Variants in NFIC observed in about 807,000 individuals in gnomAD.
NFIC encodes nuclear factor I C.
NFIC carries 12 observed loss-of-function variants against 54.4 expected under a neutral mutation model. The ratio of observed to expected loss-of-function variants is 0.22; its 90% CI spans 0.14 to 0.36. The LOEUF is 0.36. Among genes scored for constraint, NFIC ranks in the 10% least tolerant of loss-of-function variants. NFIC has a pLI of 1.00. For synonymous variants in NFIC, 322 were observed against 319.2 expected (o/e 1.01, Z -0.09); for missense variants, 575 against 718.2 (o/e 0.80, Z 2.28).
chr19:3,438,958 A>T (rs566147752), intron 6 of NFIC, among the ~76,000 whole-genome samples: 1 of 152,188 alleles, frequency 6.6e-6, no homozygotes, highest in Admixed American at 6.5e-5. Flanking sequence ...ACTTGGAAGA[A>T]AAGGGAGGAC....
intron 1 of NFIC, among the ~76,000 whole-genome samples, chr19:3,360,055 C>T (rs1012279360): frequency 6.7e-6 from 1 of 148,230 alleles, no homozygotes; most frequent in South Asian, 2.1e-4. Flanking sequence ...GGGCGCACGA[C>T]CCCCGAGCGC....
At chr19:3,386,061 C>T (rs1244897711) in intron 2 of NFIC, among the ~76,000 whole-genome samples, 1 of 151,726 alleles carries the variant, frequency 6.6e-6, no homozygotes, top group Non-Finnish European at 1.5e-5. Context: ...CTTATGCATT[C>T]CCTGGACATA....
At chr19:3,374,734 C>T (rs1471290749) in intron 1 of NFIC, among the ~76,000 whole-genome samples, 5 of 152,096 alleles carry the variant, frequency 3.3e-5, no homozygotes, top group South Asian at 2.1e-4. Flanking sequence ...TCTCTTTTGC[C>T]GGTTGGGCCT....
At chr19:3,445,906 C>T (rs1484526262) in intron 6 of NFIC, among the ~76,000 whole-genome samples, 1 of 152,118 alleles carries the variant, frequency 6.6e-6, no homozygotes, top group Non-Finnish European at 1.5e-5. Flanking sequence ...GGGCATCACC[C>T]GGGGACAGCA....
At position 3,384,793 on chromosome 19, in the gene NFIC, G is replaced by A. The variant is rs2081266579; in HGVS notation, c.562+2550G>A. Among the ~76,000 whole-genome samples the A allele has an allele frequency of 2.6e-5, 4 of 151,984 alleles. No individual in the cohort carries two copies. In the South Asian group the frequency reaches 8.3e-4, roughly 32 times the overall value. On this transcript the variant is annotated intron_variant, in intron 2 of 10. Coordinates refer to ENST00000443272, the MANE Select transcript of NFIC (RefSeq NM_001245002.2). ...ACCTGCTGGGGTTGGCTGTGAGGGGGCACTGGGGACGGTGGGGGCAGAGAG... is the reference window on the plus strand; with the variant it reads ...ACCTGCTGGGGTTGGCTGTGAGGGGACACTGGGGACGGTGGGGGCAGAGAG...
intron 1 of NFIC, among the ~76,000 whole-genome samples, chr19:3,361,202 C>T (rs1282470705): frequency 2.0e-5 from 3 of 152,186 alleles, no homozygotes; most frequent in East Asian, 1.9e-4. Context: ...AGACGTCGCT[C>T]GCCAGGGGTT....
chr19:3,430,760 C>G (rs1364186888), intron 3 of NFIC, among the ~76,000 whole-genome samples: 1 of 151,898 alleles, frequency 6.6e-6, no homozygotes, highest in South Asian at 2.1e-4. Context: ...GGTGAAACCC[C>G]GTCTCTATTA....
chr19:3,386,292 G>A (rs1191611567), intron 2 of NFIC, among the ~76,000 whole-genome samples: 1 of 149,378 alleles, frequency 6.7e-6, no homozygotes, highest in East Asian at 2.0e-4. Context: ...TGCCCTGTGA[G>A]GCAAGGATCA....
At chr19:3,417,275 TCAAAGCAGAACAACAG>T (rs1407128683) in intron 2 of NFIC, among the ~76,000 whole-genome samples, 1 of 152,118 alleles carries the variant, frequency 6.6e-6, no homozygotes, top group Non-Finnish European at 1.5e-5. Flanking sequence ...GACCCCCATC[TCAAAGCAGAACAACAG>T]CAGAACTTCT....
In NFIC at chr19:3,465,351, GAAATAAA is replaced by G. The variant is rs994786143; in HGVS notation, c.*2592_*2598del. 3 of 86,248 alleles carry G rather than the reference GAAATAAA, an allele frequency of 3.5e-5. No homozygotes were observed. Among genetic ancestry groups the G allele is most frequent in the African/African-American group, 1.3e-4 (3 of 22,460 alleles). The allele number at this position is 86,248 out of a possible 1,614,324, so 5.3% of individuals were successfully genotyped here. A position where few individuals can be genotyped will look rare whatever the true frequency, so the allele number is the denominator to read the frequency against. Reference sequence around the variant, plus strand: ...AAAAAAAAAGACAAAACAGTGACATGAAATAAAAAATAAAAATTGAAAAGGGATGTAT... The same window carrying G: ...AAAAAAAAAGACAAAACAGTGACATGAAATAAAAATTGAAAAGGGATGTAT... On this transcript the variant is annotated 3_prime_UTR_variant, in exon 11 of 11. Transcript: ENST00000443272.
chr19:3,364,159 GA>G (rs5826816), upstream of NFIC, among the ~76,000 whole-genome samples: 7,867 of 141,860 alleles, frequency 0.055, 704 homozygotes, highest in African/African-American at 0.19. Context: ...AGAGTGCTTT[GA>G]AAAAAAAAAA....
chr19:3,440,382 C>T (rs1349337144), intron 6 of NFIC, among the ~76,000 whole-genome samples: 1 of 151,850 alleles, frequency 6.6e-6, no homozygotes, highest in Non-Finnish European at 1.5e-5. Flanking sequence ...ATATGCAAAG[C>T]ACCTAAACGG....
upstream of NFIC, among the ~76,000 whole-genome samples, chr19:3,362,666 A>G (rs1486189574): frequency 6.6e-6 from 1 of 152,000 alleles, no homozygotes; most frequent in East Asian, 1.9e-4. Context: ...TCAACGGCCT[A>G]TCTGACCTTT....
At chr19:3,441,469 G>A (rs1308863132) in intron 6 of NFIC, among the ~76,000 whole-genome samples, 2 of 152,288 alleles carry the variant, frequency 1.3e-5, no homozygotes, top group East Asian at 1.9e-4. Context: ...GCAGAGCCCC[G>A]AGCTTATGCC....
chr19:3,397,618 C>T (rs8111315), intron 2 of NFIC, among the ~76,000 whole-genome samples: 62,518 of 151,994 alleles, frequency 0.41, 15,524 homozygotes, highest in Non-Finnish European at 0.56. Context: ...CTCTCTCTCC[C>T]GGCCTTGCGA....
chr19:3,414,256 T>G lies in NFIC; in HGVS notation c.563-10850T>G, dbSNP rs576579805. Among the ~76,000 whole-genome samples, 13 of 152,286 alleles carry G rather than the reference T, an allele frequency of 8.5e-5. No individual in the cohort carries two copies. The South Asian group carries it at 2.5e-3, about 29-fold the overall frequency. On this transcript the variant is annotated intron_variant, in intron 2 of 10. Coordinates refer to ENST00000443272, the MANE Select transcript of NFIC (RefSeq NM_001245002.2). ...ATTTTAGGCTTTTAGGCAGGTCACATGCAGTCTCTGTTGCCTATTTTTTCT... is the reference window on the plus strand; with the variant it reads ...ATTTTAGGCTTTTAGGCAGGTCACAGGCAGTCTCTGTTGCCTATTTTTTCT...
chr19:3,447,365 C>G (rs901042398), intron 6 of NFIC, among the ~76,000 whole-genome samples: 6 of 151,818 alleles, frequency 4.0e-5, no homozygotes, highest in Non-Finnish European at 8.8e-5. Flanking sequence ...AGCTGGGACT[C>G]CACCCCAGCC....
At chr19:3,451,352 G>T (rs2082459863) in intron 7 of NFIC, among the ~76,000 whole-genome samples, 1 of 152,204 alleles carries the variant, frequency 6.6e-6, no homozygotes, top group Admixed American at 6.5e-5. Context: ...CTGGAATTAG[G>T]CCGGGCACAG....
intron 2 of NFIC, among the ~76,000 whole-genome samples, chr19:3,391,348 A>C (rs1025903051): frequency 1.3e-5 from 2 of 152,160 alleles, no homozygotes; most frequent in Non-Finnish European, 2.9e-5. Flanking sequence ...TGATAATAAC[A>C]AGTAATAATA....
Sources: allele counts gnomAD v4.1 joint callset (sites outside exome capture counted in the v4.1 genomes callset), GRCh38; gene constraint gnomAD v4.1.1; transcripts MANE v1.5; gene names NCBI Gene and HGNC (gene_info 2026-07-23, HGNC 2026-07-21).